The following ATF7IP2 variants were observed in gnomAD, a reference collection of about 807,000 sequenced individuals.
ATF7IP2 encodes the protein activating transcription factor 7 interacting protein 2.
Under a neutral mutation model 64.2 loss-of-function variants are expected in ATF7IP2, and 42 were observed. The ratio of observed to expected loss-of-function variants is 0.65; its 90% CI spans 0.51 to 0.85. The LOEUF (loss-of-function observed/expected upper bound fraction) is 0.85. Among genes scored for constraint, ATF7IP2 ranks in the 40% least tolerant of loss-of-function variants. ATF7IP2 has a pLI of 0.00. For missense variants in ATF7IP2, 933 were observed against 784.2 expected, an observed-to-expected ratio of 1.19 and a Z score of -2.27; for synonymous variants, 308 against 272.8, an observed-to-expected ratio of 1.13 and a Z score of -1.27.
At chr16:10,397,404 C>G (rs2047440922) in intron 1 of ATF7IP2, among the ~76,000 whole-genome samples, 2 of 152,134 alleles carry the variant, frequency 1.3e-5, no homozygotes, top group South Asian at 4.1e-4. Context: ...ATTGCATTGT[C>G]TCTATAAAGT....
At chr16:10,427,318 T>C (rs536972527) in intron 3 of ATF7IP2, among the ~76,000 whole-genome samples, 13 of 152,240 alleles carry the variant, frequency 8.5e-5, no homozygotes, top group African/African-American at 2.6e-4. Context: ...ATTAAGACAA[T>C]GAGAGCTAAT....
intron 1 of ATF7IP2, among the ~76,000 whole-genome samples, chr16:10,410,628 C>T (rs1203815987): frequency 1.3e-5 from 2 of 152,132 alleles, no homozygotes; most frequent in Non-Finnish European, 2.9e-5. Flanking sequence ...ATTTCTTTCT[C>T]TTTTCTGATT....
intron 8 of ATF7IP2, among the ~76,000 whole-genome samples, chr16:10,444,444 C>G (rs1435014982): frequency 6.6e-6 from 1 of 152,090 alleles, no homozygotes; most frequent in African/African-American, 2.4e-5. Flanking sequence ...AGGACGTAAT[C>G]TCCAGATTGA....
chr16:10,480,960 T>C lies in ATF7IP2; in HGVS notation c.1631T>C (p.Val544Ala). Residue 544 changes from valine (V) to alanine (A), a missense_variant, in exon 13 of 14, where the codon GTC becomes GCC. Transcript: ENST00000562102. ...ACAACCCCATTGGCACAAAATGCAG[T>C]CCAGGTACTGAATCAAAGTGCTCTG... ...KETTPLAQNAVQVPESFEHLP... is the reference protein window; with the variant it reads ...KETTPLAQNAAQVPESFEHLP... The C allele has an allele frequency of 6.2e-7, 1 of 1,601,148 alleles. No homozygotes were observed. The highest frequency in any genetic ancestry group is 8.6e-7 in the Non-Finnish European group (1 of 1,168,472).
chr16:10,419,937 C>G (rs2047959515), intron 3 of ATF7IP2, among the ~76,000 whole-genome samples: 1 of 152,250 alleles, frequency 6.6e-6, no homozygotes, highest in Non-Finnish European at 1.5e-5. Flanking sequence ...TGCTGTTCAG[C>G]TGCTGATAGC....
chr16:10,476,297 G>C (rs1385239734), intron 12 of ATF7IP2, among the ~76,000 whole-genome samples: 4 of 152,064 alleles, frequency 2.6e-5, no homozygotes, highest in Non-Finnish European at 5.9e-5. Flanking sequence ...TCATCTTTGT[G>C]AAAAGAAAAA....
chr16:10,448,793 C>G (rs1480694981), intron 8 of ATF7IP2: 1 of 151,932 alleles, frequency 6.6e-6, no homozygotes, highest in Non-Finnish European at 1.5e-5. Flanking sequence ...ATTTGAATAC[C>G]CCATATTTCT....
At chr16:10,392,972 G>A (rs969143049) in intron 1 of ATF7IP2, among the ~76,000 whole-genome samples, 4 of 151,916 alleles carry the variant, frequency 2.6e-5, no homozygotes, top group South Asian at 2.1e-4. Context: ...GAGCAACAAC[G>A]TGAATCCATG....
intron 1 of ATF7IP2, among the ~76,000 whole-genome samples, chr16:10,401,364 T>A (rs1299010043): frequency 2.0e-5 from 3 of 151,998 alleles, no homozygotes; most frequent in African/African-American, 7.2e-5. Context: ...AAGACAGGGT[T>A]TCACCATGTT....
At chr16:10,460,916 G>A (rs2049353280) in intron 9 of ATF7IP2, among the ~76,000 whole-genome samples, 1 of 152,110 alleles carries the variant, frequency 6.6e-6, no homozygotes, top group South Asian at 2.1e-4. Flanking sequence ...ATCCGAGTTG[G>A]AGAAGATAAT....
intron 9 of ATF7IP2, among the ~76,000 whole-genome samples, chr16:10,461,281 G>T (rs1379367762): frequency 5.9e-5 from 9 of 152,150 alleles, no homozygotes; most frequent in African/African-American, 1.9e-4. Context: ...AAGAAAATTG[G>T]CATTATCTGG....
At chr16:10,392,952 A>T (rs2047356332) in intron 1 of ATF7IP2, among the ~76,000 whole-genome samples, 1 of 151,948 alleles carries the variant, frequency 6.6e-6, no homozygotes, top group African/African-American at 2.4e-5. Context: ...TGCCCACTGT[A>T]CTTTAGCCTG....
At chr16:10,464,219 C>A (rs751358034) in intron 9 of ATF7IP2, among the ~76,000 whole-genome samples, 10 of 152,064 alleles carry the variant, frequency 6.6e-5, no homozygotes, top group Non-Finnish European at 1.3e-4. Context: ...TTCTACCTGT[C>A]CTTCATGTAC....
chr16:10,475,570 G>A (rs1428862259), intron 12 of ATF7IP2, among the ~76,000 whole-genome samples: 1 of 151,498 alleles, frequency 6.6e-6, no homozygotes, highest in Non-Finnish European at 1.5e-5. Flanking sequence ...GCGGGCACCT[G>A]TAGTCCCAGC....
chr16:10,421,030 T>C (rs1471051294), intron 3 of ATF7IP2, among the ~76,000 whole-genome samples: 2 of 152,212 alleles, frequency 1.3e-5, no homozygotes, highest in Non-Finnish European at 2.9e-5. Context: ...ATTGAGAATA[T>C]CCACAAAGTC....
chr16:10,411,830 A>C (rs2047765865), intron 1 of ATF7IP2, among the ~76,000 whole-genome samples: 1 of 150,458 alleles, frequency 6.6e-6, no homozygotes, highest in East Asian at 1.9e-4. Flanking sequence ...GTGTTGAATT[A>C]GCCTTGAATG....
chr16:10,394,992 G>A (rs1395908995), intron 1 of ATF7IP2, among the ~76,000 whole-genome samples: 4 of 151,896 alleles, frequency 2.6e-5, no homozygotes, highest in African/African-American at 2.4e-5. Flanking sequence ...AATTAGTGTG[G>A]AAATTAATAG....
intron 6 of ATF7IP2, among the ~76,000 whole-genome samples, chr16:10,433,883 G>A (rs2048335053): frequency 6.6e-6 from 1 of 152,108 alleles, no homozygotes; most frequent in South Asian, 2.1e-4. Flanking sequence ...TCATGTGTAG[G>A]TAGAGTCCTG....
chr16:10,408,689 G>GT (rs879074797), intron 1 of ATF7IP2, among the ~76,000 whole-genome samples: 1 of 151,826 alleles, frequency 6.6e-6, no homozygotes, highest in Non-Finnish European at 1.5e-5. Context: ...GGGATTATTT[G>GT]TTTTTTTTCT....
Sources: allele counts gnomAD v4.1 joint callset (sites outside exome capture counted in the v4.1 genomes callset), GRCh38; gene constraint gnomAD v4.1.1; transcripts MANE v1.5; gene names NCBI Gene and HGNC (gene_info 2026-07-23, HGNC 2026-07-21).